NFAT5: variants seen among roughly 807,000 people sequenced by gnomAD.
NFAT5 encodes nuclear factor of activated T-cells 5.
A neutral mutation model predicts 166.5 loss-of-function variants in NFAT5; 31 were observed. The observed-to-expected ratio is 0.19, with a 90% CI of 0.14 to 0.25. NFAT5 has a LOEUF of 0.25. NFAT5 is among the 10% of genes least tolerant of loss of function. The probability of loss-of-function intolerance (pLI) is 1.00; values close to 1 mark genes in which losing one functional copy is unlikely to be tolerated. For missense variants in NFAT5, 1,449 were observed against 1,821.8 expected, an observed-to-expected ratio of 0.80 and a Z score of 3.72; for synonymous variants, 612 against 639.7, an observed-to-expected ratio of 0.96 and a Z score of 0.65.
intron 2 of NFAT5, among the ~76,000 whole-genome samples, chr16:69,577,707 A>T (rs926465876): frequency 1.3e-5 from 2 of 152,210 alleles, no homozygotes; most frequent in Non-Finnish European, 2.9e-5. Flanking sequence ...TGTCTTGACC[A>T]TGTGATTACA....
At position 69,692,185 on chromosome 16, in the gene NFAT5, G is replaced by C. The variant is rs1328674662; in HGVS notation, c.2360G>C (p.Ser787Thr). The change falls in exon 13 of 15, where the codon AGT becomes ACT. Residue 787 changes from serine to threonine, a missense_variant. This residue lies in a region of NFAT5 where 891 missense variants were observed against 993.0 expected (regional missense o/e 0.90). Coordinates refer to ENST00000349945, the MANE Select transcript of NFAT5 (RefSeq NM_138713.4). Reference protein sequence around the residue: ...SNIFPSPNSVSQLQNTIQQLQ... With the variant: ...SNIFPSPNSVTQLQNTIQQLQ... ...ATTTTTCCATCACCAAATAGTGTGA[G>C]TCAGCTTCAGAATACTATTCAGCAG... is the stretch of plus-strand genomic sequence containing the variant. The C allele has an allele frequency of 6.2e-7, 1 of 1,614,190 alleles. No homozygotes were observed. Among genetic ancestry groups the C allele is most frequent in the South Asian group, 1.1e-5 (1 of 91,080 alleles).
At chr16:69,667,168 GT>G (rs2036420718) in intron 7 of NFAT5, among the ~76,000 whole-genome samples, 1 of 116,692 alleles carries the variant, frequency 8.6e-6, no homozygotes. Flanking sequence ...TCTGGGGACG[GT>G]TGTGGGGTGG....
chr16:69,684,844 G>T, intron 10 of NFAT5, 43 bp from the exon 11 acceptor site: 1 of 1,311,708 alleles, frequency 7.6e-7, no homozygotes. Flanking sequence ...AGGTTTTTAG[G>T]ATGAGTAAAT....
At chr16:69,667,000 T>C (rs1238534667) in intron 7 of NFAT5, among the ~76,000 whole-genome samples, 1 of 151,376 alleles carries the variant, frequency 6.6e-6, no homozygotes, top group African/African-American at 2.4e-5. Flanking sequence ...CCATAAAAAA[T>C]GATGAGTTCA....
intron 2 of NFAT5, among the ~76,000 whole-genome samples, chr16:69,612,265 C>T (rs1674228007): frequency 6.6e-6 from 1 of 152,068 alleles, no homozygotes; most frequent in South Asian, 2.1e-4. Context: ...AGTTTTGGTC[C>T]ATGAAGGGTT....
At chr16:69,619,982 A>T (rs2034126777) in intron 2 of NFAT5, among the ~76,000 whole-genome samples, 1 of 152,234 alleles carries the variant, frequency 6.6e-6, no homozygotes, top group Non-Finnish European at 1.5e-5. Context: ...ATAATAAAGG[A>T]TTGAATTAAC....
intron 3 of NFAT5, chr16:69,646,426 A>C: frequency 2.1e-6 from 1 of 479,228 alleles, no homozygotes; most frequent in Admixed American, 3.9e-5. Flanking sequence ...AGTTGATTAT[A>C]TATTTTTTCT....
intron 2 of NFAT5, among the ~76,000 whole-genome samples, chr16:69,571,201 T>G (rs2016416641): frequency 7.0e-6 from 1 of 143,488 alleles, no homozygotes; most frequent in Non-Finnish European, 1.5e-5. Context: ...CTACTCGCGA[T>G]GCTGAGGCAG....
chr16:69,666,506 C>T lies in NFAT5; in HGVS notation c.1370-3471C>T, dbSNP rs1181479375. On this transcript the variant is annotated intron_variant, in intron 7 of 14. Transcript: ENST00000349945. ...ACAAACAACCCCATCAACAAGTGGG[C>T]GAAGGACATGAACAGACACTTCTCA... Among the ~76,000 whole-genome samples, 7 of 152,100 alleles carry T rather than the reference C, an allele frequency of 4.6e-5. No homozygotes were observed. In the South Asian group the frequency reaches 8.3e-4, roughly 18 times the overall value.
At chr16:69,687,061 G>A (rs3169315) in intron 11 of NFAT5, among the ~76,000 whole-genome samples, 46,450 of 151,950 alleles carry the variant, frequency 0.31, 8,373 homozygotes, top group African/African-American at 0.48. Context: ...GATTATTATT[G>A]AATTAACAAG....
At chr16:69,658,992 T>A (rs2151643863) in intron 6 of NFAT5, among the ~76,000 whole-genome samples, 1 of 152,312 alleles carries the variant, frequency 6.6e-6, no homozygotes, top group Non-Finnish European at 1.5e-5. Context: ...TCACATATCA[T>A]TCAATGTGGT....
At position 69,653,330 on chromosome 16, in the gene NFAT5, G is replaced by GT; in HGVS notation, c.909dup (p.Val304CysfsTer4). 1 of 1,613,354 alleles carries GT rather than the reference G, an allele frequency of 6.2e-7. No homozygotes were observed. The highest frequency in any genetic ancestry group is 8.5e-7 in the Non-Finnish European group (1 of 1,179,770). ...AAGTGAGGGAAAGGAGCTGAAGATA[G>GT]TTGTACAACCTGAGACACAGCACCG... On this transcript the variant is annotated frameshift_variant, in exon 5 of 15. Transcript: ENST00000349945. LOFTEE classifies it high-confidence loss of function.
At chr16:69,627,544 A>T (rs1311970211) in intron 3 of NFAT5, among the ~76,000 whole-genome samples, 2 of 152,074 alleles carry the variant, frequency 1.3e-5, no homozygotes, top group African/African-American at 4.8e-5. Flanking sequence ...AAATGAGGAT[A>T]TTGGTACTAT....
chr16:69,585,768 C>G (rs2032018091), intron 2 of NFAT5, among the ~76,000 whole-genome samples: 1 of 152,062 alleles, frequency 6.6e-6, no homozygotes, highest in Non-Finnish European at 1.5e-5. Context: ...CATCAGGTAA[C>G]CAGACACATG....
intron 7 of NFAT5, among the ~76,000 whole-genome samples, chr16:69,664,521 G>A (rs556299216): frequency 2.6e-5 from 4 of 152,080 alleles, no homozygotes; most frequent in South Asian, 2.1e-4. Flanking sequence ...TCCTGACCTC[G>A]TGATCCGCCT....
rs1567552844 is a variant in NFAT5, at chr16:69,627,321, AACATATATATATATATATAT to A, written c.253+795_253+814del. On this transcript the variant is annotated intron_variant, in intron 3 of 14. Coordinates refer to ENST00000349945, the MANE Select transcript of NFAT5 (RefSeq NM_138713.4). Reference sequence around the variant, plus strand: ...AAGTGTGTTTGTTTTAAAAAAAGGAAACATATATATATATATATATATATATATATATATATATATATATA... The same window carrying A: ...AAGTGTGTTTGTTTTAAAAAAAGGAAATATATATATATATATATATATATA... Among the ~76,000 whole-genome samples, 7 of 94,156 alleles carry A rather than the reference AACATATATATATATATATAT, an allele frequency of 7.4e-5. No homozygotes were observed. In the Admixed American group the frequency reaches 8.5e-4, roughly 11 times the overall value. 61.8% of individuals were successfully genotyped at this position (94,156 alleles called of 152,430 possible). A position where few individuals can be genotyped will look rare whatever the true frequency, so the allele number is the denominator to read the frequency against.
chr16:69,603,432 T>C (rs1404445276), intron 2 of NFAT5, among the ~76,000 whole-genome samples: 1 of 152,156 alleles, frequency 6.6e-6, no homozygotes, highest in African/African-American at 2.4e-5. Context: ...TCTTCAAGTT[T>C]TTCATTTATA....
intron 2 of NFAT5, among the ~76,000 whole-genome samples, chr16:69,620,684 C>A (rs1356022481): frequency 6.6e-6 from 1 of 152,130 alleles, no homozygotes; most frequent in East Asian, 1.9e-4. Flanking sequence ...AAAGTAAAAT[C>A]ACTTCTAGAT....
intron 11 of NFAT5, among the ~76,000 whole-genome samples, chr16:69,687,990 C>T (rs547331896): frequency 1.2e-4 from 18 of 150,508 alleles, no homozygotes; most frequent in Non-Finnish European, 2.2e-4. Context: ...GTCAGGAGAT[C>T]GAGACCATCC....
Sources: gnomAD v4.1 joint callset for allele counts (sites outside exome capture counted in the v4.1 genomes callset) on GRCh38, gnomAD v4.1.1 for gene constraint, gnomAD v4.1.1 regional missense constraint, MANE v1.5 for transcripts, NCBI Gene and HGNC (gene_info 2026-07-23, HGNC 2026-07-21) for gene names.